OXNAD1: variants seen among roughly 807,000 people sequenced by gnomAD.
OXNAD1 encodes the protein oxidoreductase NAD-binding domain-containing protein 1.
Under a neutral mutation model 32.9 loss-of-function variants are expected in OXNAD1, and 34 were observed. That is an observed-to-expected ratio of 1.03 (90% CI 0.79 to 1.38). OXNAD1 has a LOEUF of 1.38. OXNAD1 is among the 40% of genes most tolerant of loss of function. OXNAD1 has a pLI of 0.00. For missense variants in OXNAD1, 407 were observed against 379.4 expected (o/e 1.07, Z -0.60); for synonymous variants, 134 against 135.2 (o/e 0.99, Z 0.06).
rs369454004 is a variant in OXNAD1, at chr3:16,337,067, G to A, written c.*31-45G>A. On this transcript the variant is annotated intron_variant, in intron 9 of 9. Transcript: ENST00000435829. The surrounding 1 kb of genome is among the most constrained non-coding windows in gnomAD (Gnocchi z 5.0). ...GCAGATGTGACATTACGGTCATCCT[G>A]AACCTAGGCCTCAAGGAGCCTTGCT... 6.6e-6 allele frequency: 1 copy of A among 152,212 alleles called. No individual in the cohort carries two copies. The highest frequency in any genetic ancestry group is 2.4e-5 in the African/African-American group (1 of 41,438). 9.4% of individuals were successfully genotyped at this position (152,212 alleles called of 1,614,324 possible).
At chr3:16,310,004 CT>C (rs1264830026), downstream of OXNAD1, among the ~76,000 whole-genome samples, 9 of 152,142 alleles carry the variant, frequency 5.9e-5, no homozygotes, top group Admixed American at 4.6e-4. Context: ...AAGACATTGT[CT>C]TGGACTGAAG....
chr3:16,281,360 T>TA (rs2065725156), intron 4 of OXNAD1, among the ~76,000 whole-genome samples: 1 of 152,220 alleles, frequency 6.6e-6, no homozygotes. Context: ...TGAGTATCTC[T>TA]AATGCAAAAA....
At chr3:16,274,180 AAAAAC>A (rs2065162029) in intron 4 of OXNAD1, among the ~76,000 whole-genome samples, 1 of 151,572 alleles carries the variant, frequency 6.6e-6, no homozygotes. Context: ...AAAAAAAAAA[AAAAAC>A]AAAAGATATC....
chr3:16,301,669 T>A lies in OXNAD1; in HGVS notation c.476T>A (p.Phe159Tyr), dbSNP rs1159857217. ...GTGGCTGTGAGAGTGGGTGGAGAGT[T>A]CTTCTTTGACCCTCAGCCTGCGGAT... ...CEVAVRVGGE[F>Y]FFDPQPADAS... is the part of the protein sequence containing the mutation. Residue 159 changes from phenylalanine (F) to tyrosine (Y), a missense_variant, in exon 7 of 9, where the codon TTC becomes TAC. Phe to Tyr is a conservative substitution (Grantham distance 22). Coordinates refer to ENST00000285083, the MANE Select transcript of OXNAD1 (RefSeq NM_138381.5). The surrounding 1 kb of genome is among the most constrained non-coding windows in gnomAD (Gnocchi z 4.1). The A allele has an allele frequency of 9.9e-6, 16 of 1,612,602 alleles. No individual in the cohort carries two copies. The highest frequency in any genetic ancestry group is 1.4e-5 in the Non-Finnish European group (16 of 1,179,538).
chr3:16,325,233 A>G (rs907265901), intron 9 of OXNAD1, among the ~76,000 whole-genome samples: 2 of 152,236 alleles, frequency 1.3e-5, no homozygotes, highest in African/African-American at 2.4e-5. Context: ...CCACTTTTAT[A>G]GAAGGAAACA....
chr3:16,336,166 G>A lies in OXNAD1; in HGVS notation c.*31-946G>A, dbSNP rs1358535057. Among the ~76,000 whole-genome samples, 1 of 152,256 alleles carries A rather than the reference G, an allele frequency of 6.6e-6. No individual in the cohort carries two copies. The highest frequency in any genetic ancestry group is 1.9e-4 in the East Asian group (1 of 5,204). On this transcript the variant is annotated intron_variant, in intron 9 of 9. Coordinates refer to the OXNAD1 transcript ENST00000435829. The surrounding 1 kb of genome is among the most constrained non-coding windows in gnomAD (Gnocchi z 6.0). ...AGTGGAAGGCAGATGCTGGAACACG[G>A]CGGGCAGTGTTGCAGAAAACTCCAC...
At chr3:16,343,660 A>G (rs1315182964) in intron 9 of OXNAD1, among the ~76,000 whole-genome samples, 1 of 152,230 alleles carries the variant, frequency 6.6e-6, no homozygotes. Flanking sequence ...TTGGTCAAAG[A>G]TATCTGTTCT....
Position 16,327,901 on chromosome 3 carries a change from A to G in OXNAD1, c.*31-9211A>G, listed in dbSNP as rs2069890717. ...CCTCATTTCTTACTACGGGTTCCTCACTAACACTCAAAGTGTAGCCCCCAC... is the reference window on the plus strand; with the variant it reads ...CCTCATTTCTTACTACGGGTTCCTCGCTAACACTCAAAGTGTAGCCCCCAC... On this transcript the variant is annotated intron_variant, in intron 9 of 9. Transcript: ENST00000435829. The surrounding 1 kb of genome is among the most constrained non-coding windows in gnomAD (Gnocchi z 4.2). Among the ~76,000 whole-genome samples the G allele has an allele frequency of 6.6e-6, 1 of 152,100 alleles. No individual in the cohort carries two copies. Among genetic ancestry groups the G allele is most frequent in the Non-Finnish European group, 1.5e-5 (1 of 67,978 alleles).
Position 16,329,794 on chromosome 3 carries a change from A to G in OXNAD1, c.*31-7318A>G, listed in dbSNP as rs901289446. Among the ~76,000 whole-genome samples, 2 of 152,210 alleles carry G rather than the reference A, an allele frequency of 1.3e-5. No individual in the cohort carries two copies. Among genetic ancestry groups the G allele is most frequent in the Non-Finnish European group, 2.9e-5 (2 of 68,032 alleles). On this transcript the variant is annotated intron_variant, in intron 9 of 9. Coordinates refer to the OXNAD1 transcript ENST00000435829. The surrounding 1 kb of genome is among the most constrained non-coding windows in gnomAD (Gnocchi z 4.5). ...TCAAGCACTGTGACAAACCCGCCACAATCAGACAGTAGCCATGGCAACCAG... is the reference window on the plus strand; with the variant it reads ...TCAAGCACTGTGACAAACCCGCCACGATCAGACAGTAGCCATGGCAACCAG...
chr3:16,275,655 TG>T, intron 4 of OXNAD1: 1 of 176,964 alleles, frequency 5.7e-6, no homozygotes. Flanking sequence ...TCCATTTCCC[TG>T]GTTTCTTTTT....
At chr3:16,310,245 A>T (rs2067871680), downstream of OXNAD1, among the ~76,000 whole-genome samples, 1 of 152,208 alleles carries the variant, frequency 6.6e-6, no homozygotes, top group Non-Finnish European at 1.5e-5. Flanking sequence ...CATTTTGTGG[A>T]CCTAGAAACT....
chr3:16,310,077 A>C (rs1259821560), downstream of OXNAD1, among the ~76,000 whole-genome samples: 6 of 152,208 alleles, frequency 3.9e-5, no homozygotes, highest in Admixed American at 3.9e-4. Flanking sequence ...TAAATTCTGG[A>C]GTCAGGGCTC....
chr3:16,293,743 G>T (rs145936140), intron 5 of OXNAD1, among the ~76,000 whole-genome samples: 4,727 of 152,282 alleles, frequency 0.031, 104 homozygotes, highest in Middle Eastern at 0.082. Flanking sequence ...TTTCTCTTAG[G>T]GGGGAAACTT....
chr3:16,315,529 G>A (rs1426738736), intron 9 of OXNAD1: 2 of 152,144 alleles, frequency 1.3e-5, no homozygotes, highest in Admixed American at 6.5e-5. Context: ...TGGAAACAAT[G>A]TTTGTTAGAC....
At chr3:16,269,492 T>C (rs1364162827) in intron 2 of OXNAD1, among the ~76,000 whole-genome samples, 1 of 152,250 alleles carries the variant, frequency 6.6e-6, no homozygotes, top group Non-Finnish European at 1.5e-5. Context: ...TAAAGACTAG[T>C]TATGAAGCAG....
downstream of OXNAD1, chr3:16,339,214 G>A (rs532771818): frequency 1.3e-5 from 2 of 152,330 alleles, no homozygotes; most frequent in East Asian, 1.9e-4. Flanking sequence ...AGCAATCACA[G>A]TTGGCCAATA....
rs767553372 is a variant in OXNAD1, at chr3:16,299,422, C to T, written c.433-2204C>T. Among the ~76,000 whole-genome samples, 8 of 152,112 alleles carry T rather than the reference C, an allele frequency of 5.3e-5. No individual in the cohort carries two copies. The highest frequency in any genetic ancestry group is 1.2e-4 in the Non-Finnish European group (8 of 68,006). ...CTCCCTTGCTGCTAATTTCTTTTGT[C>T]AAAAATGAAAACCCACTTATCACCA... On this transcript the variant is annotated intron_variant, in intron 6 of 8. Transcript: ENST00000285083. This position sits in a 1 kb window ranked among gnomAD's most constrained non-coding sequence, Gnocchi z 4.4.
In OXNAD1 at chr3:16,348,382, G is replaced by T. The variant is rs1304262231; in HGVS notation, c.*31-794G>T. On this transcript the variant is annotated intron_variant, in intron 9 of 9. Coordinates refer to the OXNAD1 transcript ENST00000606098. The surrounding 1 kb of genome is among the most constrained non-coding windows in gnomAD (Gnocchi z 6.3). ...TAATTATAAAAAAAAATTAATAGAT[G>T]TGCCTTCTCTTCCAGCTGGCCTCTG... is the stretch of plus-strand genomic sequence containing the variant. Among the ~76,000 whole-genome samples the T allele has an allele frequency of 3.9e-5, 6 of 152,028 alleles. No individual in the cohort carries two copies. The highest frequency in any genetic ancestry group is 7.4e-5 in the Non-Finnish European group (5 of 68,018).
downstream of OXNAD1, chr3:16,337,338 G>A (rs1002967891): frequency 6.6e-6 from 1 of 152,186 alleles, no homozygotes; most frequent in Non-Finnish European, 1.5e-5. This position sits in a 1 kb window ranked among gnomAD's most constrained non-coding sequence, Gnocchi z 5.0. Flanking sequence ...ACTAAGCTTT[G>A]GGGAGCTTTA....
Sources: allele counts gnomAD v4.1 joint callset (sites outside exome capture counted in the v4.1 genomes callset), GRCh38; gene constraint gnomAD v4.1.1; non-coding constraint Gnocchi (gnomAD v3.1); transcripts MANE v1.5; gene names NCBI Gene and HGNC (gene_info 2026-07-23, HGNC 2026-07-21).